Variants in ETF1 observed in about 807,000 individuals in gnomAD.
ETF1 encodes eukaryotic peptide chain release factor subunit 1.
Under a neutral mutation model 55.1 loss-of-function variants are expected in ETF1, and 4 were observed. The observed-to-expected ratio is 0.07, with a 90% confidence interval of 0.04 to 0.17. ETF1 has a LOEUF of 0.17. Ranked by LOEUF, ETF1 falls within the 10% of genes least tolerant of loss-of-function variation. The pLI is 1.00. For synonymous variants in ETF1, 157 were observed against 182.3 expected (o/e 0.86, Z 1.12); for missense variants, 142 against 523.6 (o/e 0.27, Z 7.11).
chr5:138,514,556 T>G (rs1015894494), intron 4 of ETF1, among the ~76,000 whole-genome samples: 18 of 151,214 alleles, frequency 1.2e-4, no homozygotes, highest in African/African-American at 3.7e-4. Flanking sequence ...ACAAAAAAAC[T>G]TTAACTTGTT....
intron 2 of ETF1, among the ~76,000 whole-genome samples, chr5:138,533,480 G>T (rs1277277194): frequency 1.3e-5 from 2 of 152,054 alleles, no homozygotes; most frequent in African/African-American, 4.8e-5. Context: ...GAGGTCAAGA[G>T]ATCGAGACCA....
chr5:138,519,839 A>G (rs1177711199), intron 2 of ETF1, among the ~76,000 whole-genome samples: 3 of 152,114 alleles, frequency 2.0e-5, no homozygotes, highest in Non-Finnish European at 4.4e-5. Flanking sequence ...GACCTATGGA[A>G]GATTTTGGTT....
chr5:138,522,182 CAA>C (rs566996604), intron 2 of ETF1, among the ~76,000 whole-genome samples: 82 of 151,810 alleles, frequency 5.4e-4, no homozygotes, highest in African/African-American at 1.8e-3. Flanking sequence ...CTTTGGACTT[CAA>C]AGGATAGCAT....
intron 2 of ETF1, among the ~76,000 whole-genome samples, chr5:138,524,747 T>C (rs1405935689): frequency 6.6e-6 from 1 of 151,686 alleles, no homozygotes; most frequent in Non-Finnish European, 1.5e-5. Flanking sequence ...CCGGCTAATT[T>C]TTGTATTTTT....
chr5:138,536,911 C>T (rs1233718815), intron 2 of ETF1, among the ~76,000 whole-genome samples: 2 of 152,190 alleles, frequency 1.3e-5, no homozygotes, highest in African/African-American at 2.4e-5. Flanking sequence ...ATAACCTACA[C>T]AGCACTCTGC....
In ETF1 at chr5:138,511,205, G is replaced by A. The variant is rs752696132; in HGVS notation, c.863-5C>T. ...TGATTTCATCAAAGTATCGTCCTAC[G>A]ATTAGGGATCAGTCAACAGGATATA... is the stretch of plus-strand genomic sequence containing the variant. On this transcript the variant is annotated splice_region_variant and splice_polypyrimidine_tract_variant and intron_variant, in intron 7 of 10. Transcript: ENST00000360541. 17 of 1,613,828 alleles carry A rather than the reference G, an allele frequency of 1.1e-5. No homozygotes were observed. Among genetic ancestry groups the A allele is most frequent in the Middle Eastern group, 1.6e-4 (1 of 6,062 alleles).
In ETF1 at chr5:138,514,308, CT is replaced by C. The variant is rs1329717124; in HGVS notation, c.403-603del. ...ATGGCTCACACATGTAATCCCAGCA[CT>C]ATGGGAGGCTGTGGCAGGCAGATGG... On this transcript the variant is annotated intron_variant, in intron 4 of 10. Transcript: ENST00000360541. Among the ~76,000 whole-genome samples the C allele has an allele frequency of 2.6e-5, 4 of 152,158 alleles. No homozygotes were observed. The East Asian group carries it at 7.7e-4, about 29-fold the overall frequency.
intron 6 of ETF1, among the ~76,000 whole-genome samples, chr5:138,512,226 A>AAG (rs1764823921): frequency 3.1e-5 from 1 of 32,348 alleles, no homozygotes; most frequent in Non-Finnish European, 4.5e-5. Context: ...AAAAAAAAAA[A>AAG]TATATATATA....
Position 138,508,393 on chromosome 5 carries a change from G to C in ETF1, c.1232-6C>G. On this transcript the variant is annotated splice_region_variant and splice_polypyrimidine_tract_variant and intron_variant, in intron 10 of 10. Transcript: ENST00000360541. Reference sequence around the variant, plus strand: ...TACTCGGTACCGCAAGATACCTGGGGAAACAAACCAAAAGGTAAATTACCT... The same window carrying C: ...TACTCGGTACCGCAAGATACCTGGGCAAACAAACCAAAAGGTAAATTACCT... The C allele has an allele frequency of 6.2e-7, 1 of 1,613,710 alleles. No individual in the cohort carries two copies. The highest frequency in any genetic ancestry group is 8.5e-7 in the Non-Finnish European group (1 of 1,179,840).
chr5:138,523,958 C>G (rs975957327), intron 2 of ETF1, among the ~76,000 whole-genome samples: 11 of 152,088 alleles, frequency 7.2e-5, no homozygotes, highest in African/African-American at 2.4e-4. Flanking sequence ...AGGCAGATCA[C>G]TTGAGGCCAG....
At chr5:138,528,755 T>G (rs572848809) in intron 2 of ETF1, among the ~76,000 whole-genome samples, 2 of 152,134 alleles carry the variant, frequency 1.3e-5, no homozygotes, top group Non-Finnish European at 2.9e-5. Context: ...GACACCTGAC[T>G]AGGGAGGGGA....
In ETF1 at chr5:138,507,148, A is replaced by G. The variant is rs752709243; in HGVS notation, c.*1157T>C. 6.6e-6 allele frequency: 1 copy of G among 152,242 alleles called. No homozygotes were observed. Among genetic ancestry groups the G allele is most frequent in the Non-Finnish European group, 1.5e-5 (1 of 68,040 alleles). 9.4% of individuals were successfully genotyped at this position (152,242 alleles called of 1,614,324 possible). A position where few individuals can be genotyped will look rare whatever the true frequency, so the allele number is the denominator to read the frequency against. On this transcript the variant is annotated 3_prime_UTR_variant, in exon 11 of 11. Coordinates refer to ENST00000360541, the MANE Select transcript of ETF1 (RefSeq NM_004730.4). ...TTGGATCCAACATGGTCTTAAATCC[A>G]TGGTGCCAGAAGCTGTGTCCCATCC...
chr5:138,542,754 G>A (rs1766238834), intron 2 of ETF1, 79 bp downstream of exon 2: 10 of 1,572,492 alleles, frequency 6.4e-6, no homozygotes, highest in African/African-American at 2.7e-5. Context: ...CTCCTCATCC[G>A]GCCATGCGGC....
intron 4 of ETF1, among the ~76,000 whole-genome samples, chr5:138,517,279 G>A (rs375471542): frequency 6.6e-6 from 1 of 151,904 alleles, no homozygotes. Flanking sequence ...GCTGAGACAG[G>A]AGAATCCCTT....
intron 2 of ETF1, among the ~76,000 whole-genome samples, chr5:138,535,780 C>T (rs141163773): frequency 7.5e-6 from 1 of 133,446 alleles, no homozygotes; most frequent in Admixed American, 8.9e-5. Flanking sequence ...CCCAGCTACT[C>T]GGGAGGCTGA....
chr5:138,521,014 G>C (rs1581033190), intron 2 of ETF1, among the ~76,000 whole-genome samples: 1 of 152,032 alleles, frequency 6.6e-6, no homozygotes, highest in African/African-American at 2.4e-5. Flanking sequence ...CCAAGAGTGA[G>C]AGCGGGGACT....
intron 2 of ETF1, among the ~76,000 whole-genome samples, chr5:138,524,898 C>T (rs1337405163): frequency 6.6e-6 from 1 of 151,556 alleles, no homozygotes; most frequent in Non-Finnish European, 1.5e-5. Flanking sequence ...TCTTTCTTTT[C>T]TTCCTTCCTT....
intron 6 of ETF1, 127 bp from the exon 7 acceptor site, chr5:138,511,731 AAATATGGGGAAGGAGCCCAATTT>A: frequency 7.2e-7 from 1 of 1,391,944 alleles, no homozygotes; most frequent in Non-Finnish European, 9.3e-7. Context: ...ACTGAAGTCT[AAATATGGGGAAGGAGCCCAATTT>A]AATCAAAAGC....
At chr5:138,515,979 G>A (rs1425316062) in intron 4 of ETF1, among the ~76,000 whole-genome samples, 2 of 152,106 alleles carry the variant, frequency 1.3e-5, no homozygotes, top group African/African-American at 2.4e-5. Flanking sequence ...CACTGTAGAG[G>A]TTTTTCCCTA....
Sources: allele counts gnomAD v4.1 joint callset (sites outside exome capture counted in the v4.1 genomes callset), GRCh38; gene constraint gnomAD v4.1.1; transcripts MANE v1.5; gene names NCBI Gene and HGNC (gene_info 2026-07-23, HGNC 2026-07-21).